CHIC2: variants seen among roughly 807,000 people sequenced by gnomAD.
CHIC2 encodes cysteine rich hydrophobic domain 2, also known as cysteine-rich hydrophobic domain-containing protein 2.
Under a neutral mutation model 25.9 loss-of-function variants are expected in CHIC2, and 14 were observed. That is an observed-to-expected ratio of 0.54 (90% confidence interval 0.36 to 0.85). The LOEUF (loss-of-function observed/expected upper bound fraction) is 0.85. Among genes scored for constraint, CHIC2 ranks in the 40% least tolerant of loss-of-function variants. The pLI is 0.01. For synonymous variants in CHIC2, 70 were observed against 72.0 expected (o/e 0.97, Z 0.14); for missense variants, 146 against 202.0 (o/e 0.72, Z 1.68).
chr4:54,011,254 A>G (rs1328524606), intron 5 of CHIC2, among the ~76,000 whole-genome samples: 3 of 152,110 alleles, frequency 2.0e-5, no homozygotes, highest in Admixed American at 1.3e-4. Context: ...ATCTGCCTCA[A>G]TAAAGAAGAT....
At chr4:54,051,732 T>A (rs1237489739) in intron 1 of CHIC2, among the ~76,000 whole-genome samples, 1 of 152,196 alleles carries the variant, frequency 6.6e-6, no homozygotes, top group Non-Finnish European at 1.5e-5. Flanking sequence ...TCACTGTATT[T>A]CTACCTCGCT....
chr4:54,038,994 T>C (rs936368981), intron 3 of CHIC2, among the ~76,000 whole-genome samples: 1 of 151,978 alleles, frequency 6.6e-6, no homozygotes, highest in Non-Finnish European at 1.5e-5. Context: ...TTTTTGACAA[T>C]GTACAATGGC....
intron 3 of CHIC2, among the ~76,000 whole-genome samples, chr4:54,034,522 GT>G (rs552780988): frequency 6.6e-6 from 1 of 151,596 alleles, no homozygotes; most frequent in African/African-American, 2.4e-5. Flanking sequence ...TCTTATATAT[GT>G]TTTTTTCAGC....
intron 3 of CHIC2, among the ~76,000 whole-genome samples, chr4:54,032,645 T>C (rs1163415850): frequency 1.9e-4 from 29 of 149,526 alleles, no homozygotes; most frequent in Admixed American, 1.9e-3. Context: ...ATATACCTAA[T>C]TACAGAGTGC....
At chr4:54,073,343 C>A in the CHIC2 span, among the ~76,000 whole-genome samples, 1 of 152,192 alleles carries the variant, frequency 6.6e-6, no homozygotes, top group Non-Finnish European at 1.5e-5. Flanking sequence ...ATAGTTCCCT[C>A]CCACACTGAA....
intron 3 of CHIC2, among the ~76,000 whole-genome samples, chr4:54,021,586 C>T (rs1051516629): frequency 6.6e-6 from 1 of 152,120 alleles, no homozygotes; most frequent in Non-Finnish European, 1.5e-5. Flanking sequence ...CCCCCACCTG[C>T]CCAACAATTT....
At chr4:54,054,034 C>T (rs777122160) in intron 1 of CHIC2, among the ~76,000 whole-genome samples, 4 of 152,162 alleles carry the variant, frequency 2.6e-5, no homozygotes, top group Non-Finnish European at 5.9e-5. Context: ...GTGATCCGCC[C>T]ACCTTGGCCT....
chr4:54,033,121 T>C (rs771924942), intron 3 of CHIC2, among the ~76,000 whole-genome samples: 3 of 152,226 alleles, frequency 2.0e-5, no homozygotes, highest in Non-Finnish European at 4.4e-5. Context: ...GCCATGCTTC[T>C]TGTACAGCCT....
At chr4:54,068,793 C>T (rs1717564902), upstream of CHIC2, among the ~76,000 whole-genome samples, 1 of 152,150 alleles carries the variant, frequency 6.6e-6, no homozygotes, top group South Asian at 2.1e-4. Context: ...TCAAATCCCA[C>T]AGGTTGAGGG....
chr4:54,051,117 T>C (rs1298295921), intron 1 of CHIC2, among the ~76,000 whole-genome samples: 2 of 152,058 alleles, frequency 1.3e-5, no homozygotes, highest in Non-Finnish European at 2.9e-5. Flanking sequence ...ATCATTTCAT[T>C]TCTCCCATCC....
the CHIC2 span, among the ~76,000 whole-genome samples, chr4:54,090,550 T>G: frequency 6.6e-6 from 1 of 152,136 alleles, no homozygotes; most frequent in Non-Finnish European, 1.5e-5. Context: ...CCTCCCTCTT[T>G]CCCCACAACA....
intron 3 of CHIC2, among the ~76,000 whole-genome samples, chr4:54,021,580 C>T (rs370560276): frequency 6.6e-6 from 1 of 152,162 alleles, no homozygotes; most frequent in African/African-American, 2.4e-5. Flanking sequence ...AGCCCTCCCC[C>T]ACCTGCCCAA....
intron 3 of CHIC2, among the ~76,000 whole-genome samples, chr4:54,034,333 G>A (rs544090166): frequency 5.3e-5 from 8 of 152,020 alleles, no homozygotes; most frequent in East Asian, 1.9e-4. Context: ...GAACCTGGGA[G>A]GCAGAAGTTG....
At chr4:54,026,801 T>A (rs185739042) in intron 3 of CHIC2, among the ~76,000 whole-genome samples, 2 of 152,244 alleles carry the variant, frequency 1.3e-5, no homozygotes, top group African/African-American at 4.8e-5. Flanking sequence ...TCTTGACTAA[T>A]GCAGTCACTT....
the CHIC2 span, among the ~76,000 whole-genome samples, chr4:54,088,787 G>A: frequency 1.3e-5 from 2 of 152,356 alleles, no homozygotes; most frequent in Non-Finnish European, 2.9e-5. Flanking sequence ...GGACCCGTGC[G>A]ATAGTAGTTG....
chr4:54,078,730 G>A, the CHIC2 span, among the ~76,000 whole-genome samples: 4 of 151,696 alleles, frequency 2.6e-5, no homozygotes, highest in Non-Finnish European at 5.9e-5. Flanking sequence ...GGCCAGGCTG[G>A]TCTCAAACTC....
chr4:54,028,663 C>T (rs1716131654), intron 3 of CHIC2, among the ~76,000 whole-genome samples: 1 of 152,180 alleles, frequency 6.6e-6, no homozygotes, highest in South Asian at 2.1e-4. Context: ...CAATAATTAT[C>T]TTTCTCTTCA....
At chr4:54,044,250 A>C (rs1364899723) in intron 3 of CHIC2, among the ~76,000 whole-genome samples, 1 of 152,200 alleles carries the variant, frequency 6.6e-6, no homozygotes, top group East Asian at 1.9e-4. Context: ...AACAAGACAG[A>C]AAGTTAACAA....
chr4:54,073,420 A>G, the CHIC2 span, among the ~76,000 whole-genome samples: 1 of 152,258 alleles, frequency 6.6e-6, no homozygotes, highest in African/African-American at 2.4e-5. Flanking sequence ...AAGCTAAGTT[A>G]TAAAAGACAT....
Sources: gnomAD v4.1 joint callset for allele counts (sites outside exome capture counted in the v4.1 genomes callset) on GRCh38, gnomAD v4.1.1 for gene constraint, MANE v1.5 for transcripts, NCBI Gene and HGNC (gene_info 2026-07-23, HGNC 2026-07-21) for gene names.